LIPA: variants seen among roughly 807,000 people sequenced by gnomAD.
The protein encoded by LIPA is lysosomal acid lipase/cholesteryl ester hydrolase.
LIPA carries 26 observed loss-of-function variants against 40.6 expected under a neutral mutation model. The observed-to-expected ratio is 0.64, with a 90% CI of 0.47 to 0.89. The LOEUF is 0.89. Among genes scored for constraint, LIPA ranks in the 40% least tolerant of loss-of-function variants. The pLI, the probability that LIPA is intolerant of heterozygous loss-of-function variation, is 0.00. For missense variants in LIPA, 455 were observed against 479.6 expected, an observed-to-expected ratio of 0.95 and a Z score of 0.48; for synonymous variants, 188 against 168.4, an observed-to-expected ratio of 1.12 and a Z score of -0.90.
At chr10:89,384,134 T>A in intron 2 of LIPA, 1 of 1,614,168 alleles carries the variant, frequency 6.2e-7, no homozygotes, top group South Asian at 1.1e-5. Context: ...CTTGAGCTCT[T>A]AAAAATGGCC....
chr10:89,305,608 G>C (rs1843472897), intron 1 of LIPA, among the ~76,000 whole-genome samples: 1 of 152,114 alleles, frequency 6.6e-6, no homozygotes. Flanking sequence ...CAATGAAAAA[G>C]ACTTACTTCT....
chr10:89,378,057 G>T (rs1844135166), intron 2 of LIPA: 3 of 1,516,276 alleles, frequency 2.0e-6, no homozygotes, highest in Admixed American at 1.7e-5. Context: ...AGAAGCCCTA[G>T]AACTCTGTGG....
chr10:89,328,178 T>G, intron 1 of LIPA: 1 of 1,161,246 alleles, frequency 8.6e-7, no homozygotes, highest in Admixed American at 1.7e-5. Flanking sequence ...TCCTGATGTT[T>G]ATAGATTCAA....
At position 89,393,345 on chromosome 10, in the gene LIPA, C is replaced by A. The variant is rs540222469; in HGVS notation, c.61+19446G>T. ...CCCTGGAAAATCTAGGCTCTTGGTA[C>A]GTCCTTGACTGAAGATGATCCACAT... On this transcript the variant is annotated intron_variant, in intron 2 of 8. Transcript: ENST00000371837. 33 of 1,238,338 alleles carry A rather than the reference C, an allele frequency of 2.7e-5. No individual in the cohort carries two copies. In the South Asian group the frequency reaches 4.0e-4, roughly 15 times the overall value. The allele number at this position is 1,238,338 out of a possible 1,614,324, so 76.7% of individuals were successfully genotyped here.
intron 1 of LIPA, among the ~76,000 whole-genome samples, chr10:89,334,766 C>T (rs949245112): frequency 2.3e-4 from 35 of 152,120 alleles, no homozygotes; most frequent in African/African-American, 8.4e-4. Context: ...GCTGGGATTA[C>T]AGGTGTGAGC....
At position 89,395,378 on chromosome 10, in the gene LIPA, T is replaced by G. The variant is rs528630938; in HGVS notation, c.61+17413A>C. On this transcript the variant is annotated intron_variant, in intron 2 of 8. Transcript: ENST00000371837. ...TCCCCACTCGCTGGTTGAGCAGGCA[T>G]GTCCTCAATGGCTCCCCCTTTCCCA... Among the ~76,000 whole-genome samples, 3 of 152,340 alleles carry G rather than the reference T, an allele frequency of 2.0e-5. 1 individual carries two copies. In the South Asian group the frequency reaches 6.2e-4, roughly 32 times the overall value.
intron 1 of LIPA, among the ~76,000 whole-genome samples, chr10:89,322,712 G>A (rs900974829): frequency 4.4e-4 from 67 of 152,214 alleles, no homozygotes; most frequent in African/African-American, 1.5e-3. Context: ...AAAGGCTGCA[G>A]TCCCAGTGCC....
At chr10:89,327,955 C>A in intron 1 of LIPA, 1 of 996,908 alleles carries the variant, frequency 1.0e-6, no homozygotes, top group Non-Finnish European at 1.6e-6. Flanking sequence ...GCGTGCCCTA[C>A]TCTCCCACCC....
intron 2 of LIPA, among the ~76,000 whole-genome samples, chr10:89,407,727 A>G (rs1336316571): frequency 6.6e-6 from 1 of 152,180 alleles, no homozygotes; most frequent in African/African-American, 2.4e-5. Flanking sequence ...GAGAATGCTT[A>G]GGACTCTAAC....
intron 2 of LIPA, among the ~76,000 whole-genome samples, chr10:89,369,880 C>T (rs118071917): frequency 3.3e-5 from 5 of 152,226 alleles, no homozygotes; most frequent in Non-Finnish European, 7.3e-5. Context: ...ATATTCCCCA[C>T]ATACAGCCAA....
chr10:89,341,626 G>T (rs1028611301), intron 1 of LIPA, among the ~76,000 whole-genome samples: 1 of 152,160 alleles, frequency 6.6e-6, no homozygotes, highest in Admixed American at 6.5e-5. Context: ...ATTCTGAAAT[G>T]ATTCCCTAGC....
chr10:89,412,671 T>G lies in LIPA; in HGVS notation c.61+120A>C, dbSNP rs1017000521. ...TCTACGGCTTTACTCCTGAAGTCAG[T>G]GAAACCACGAACCCACCGGGAGGAA... On this transcript the variant is annotated intron_variant, in intron 2 of 8. Transcript: ENST00000371837. 1.0e-5 allele frequency: 4 copies of G among 389,972 alleles called. No individual in the cohort carries two copies. In the Admixed American group the frequency reaches 1.3e-4, roughly 13 times the overall value. 24.2% of individuals were successfully genotyped at this position (389,972 alleles called of 1,614,324 possible).
chr10:89,335,577 A>G (rs1843723960), intron 1 of LIPA: 1 of 151,456 alleles, frequency 6.6e-6, no homozygotes, highest in Non-Finnish European at 1.5e-5. Flanking sequence ...AGATAGTGTC[A>G]TCAGACTTGC....
chr10:89,291,011 TTAC>T lies in LIPA; in HGVS notation c.-1-43365_-1-43363del, dbSNP rs1843371389. 2.6e-5 allele frequency among the ~76,000 whole-genome samples: 4 copies of T among 152,366 alleles called. No homozygotes were observed. In the East Asian group the frequency reaches 5.8e-4, roughly 22 times the overall value. On this transcript the variant is annotated intron_variant, in intron 1 of 5. Coordinates refer to the LIPA transcript ENST00000282673. Reference sequence around the variant, plus strand: ...ATATTGTGAGTGTTTTCTGATATTATTACAATTTTTCAATGACATGGGTATTGA... The same window carrying T: ...ATATTGTGAGTGTTTTCTGATATTATAATTTTTCAATGACATGGGTATTGA...
upstream of LIPA, among the ~76,000 whole-genome samples, chr10:89,344,679 T>C (rs1156427018): frequency 1.3e-5 from 2 of 151,204 alleles, no homozygotes. Flanking sequence ...AGTGCTCCCA[T>C]GCACCTAACA....
chr10:89,242,013 T>A (rs1300934638), intron 3 of LIPA, among the ~76,000 whole-genome samples: 1 of 152,084 alleles, frequency 6.6e-6, no homozygotes, highest in African/African-American at 2.4e-5. Flanking sequence ...AGAACACAGG[T>A]TGCCAAAACC....
intron 1 of LIPA, among the ~76,000 whole-genome samples, chr10:89,303,145 C>A (rs1040783141): frequency 3.9e-5 from 6 of 152,094 alleles, no homozygotes; most frequent in African/African-American, 1.4e-4. Context: ...ACAATACAGA[C>A]CCATCTGTCC....
chr10:89,332,525 C>G, intron 1 of LIPA: 2 of 1,611,122 alleles, frequency 1.2e-6, no homozygotes. Flanking sequence ...TAACAGCACC[C>G]TGGGTGGAAA....
At chr10:89,306,790 A>G in intron 1 of LIPA, 1 of 1,614,136 alleles carries the variant, frequency 6.2e-7, no homozygotes. Context: ...AATACATACC[A>G]AACAATGCCT....
Sources: allele counts gnomAD v4.1 joint callset (sites outside exome capture counted in the v4.1 genomes callset), GRCh38; gene constraint gnomAD v4.1.1; transcripts MANE v1.5; gene names NCBI Gene and HGNC (gene_info 2026-07-23, HGNC 2026-07-21).